The following PTPRD variants were observed in gnomAD, a reference collection of about 807,000 sequenced individuals.
PTPRD encodes protein tyrosine phosphatase receptor type D.
In PTPRD, 34 loss-of-function variants were observed where a neutral mutation model predicts 214.5. The observed-to-expected ratio is 0.16, with a 90% CI of 0.12 to 0.21. The LOEUF is 0.21. Among genes scored for constraint, PTPRD ranks in the 10% least tolerant of loss-of-function variants. The pLI, the probability that PTPRD is intolerant of heterozygous loss-of-function variation, is 1.00. For missense variants in PTPRD, 2,545 were observed against 2,398.7 expected, an observed-to-expected ratio of 1.06 and a Z score of -1.27; for synonymous variants, 1,128 against 845.7, an observed-to-expected ratio of 1.33 and a Z score of -5.79.
At chr9:8,637,191 A>G (rs2096463063) in intron 12 of PTPRD, among the ~76,000 whole-genome samples, 1 of 152,224 alleles carries the variant, frequency 6.6e-6, no homozygotes, top group Non-Finnish European at 1.5e-5. Context: ...CTCATCAATC[A>G]AAGTGGGTAA....
At chr9:8,989,693 C>G (rs547043963) in intron 11 of PTPRD, among the ~76,000 whole-genome samples, 35 of 152,008 alleles carry the variant, frequency 2.3e-4, no homozygotes, top group African/African-American at 8.2e-4. Flanking sequence ...AAAGGCATGA[C>G]CAATATTTAA....
At chr9:10,306,155 A>G (rs2096060901) in intron 3 of PTPRD, among the ~76,000 whole-genome samples, 1 of 151,998 alleles carries the variant, frequency 6.6e-6, no homozygotes, top group East Asian at 1.9e-4. Context: ...CATCATTTTC[A>G]GCAAACGAAC....
intron 7 of PTPRD, among the ~76,000 whole-genome samples, chr9:9,706,898 C>T (rs56878094): frequency 6.6e-6 from 1 of 152,054 alleles, no homozygotes; most frequent in African/African-American, 2.4e-5. Flanking sequence ...AACAAAAAGG[C>T]AAAAAGCAAT....
intron 8 of PTPRD, among the ~76,000 whole-genome samples, chr9:9,555,133 GTGTT>G (rs2081211821): frequency 6.6e-6 from 1 of 152,024 alleles, no homozygotes; most frequent in South Asian, 2.1e-4. Flanking sequence ...TTAGAAGACT[GTGTT>G]TGTAATACTG....
At chr9:9,829,896 C>T (rs1312137300) in intron 5 of PTPRD, among the ~76,000 whole-genome samples, 2 of 151,636 alleles carry the variant, frequency 1.3e-5, no homozygotes, top group East Asian at 3.9e-4. Flanking sequence ...AATTTTTGAG[C>T]CCCTACAAAT....
intron 11 of PTPRD, among the ~76,000 whole-genome samples, chr9:8,907,706 A>T (rs2098718820): frequency 6.6e-6 from 1 of 151,802 alleles, no homozygotes; most frequent in African/African-American, 2.4e-5. Flanking sequence ...AAGACGTGTA[A>T]GAAGGAAGAG....
At chr9:8,851,328 A>C (rs546966677) in intron 11 of PTPRD, among the ~76,000 whole-genome samples, 1 of 152,336 alleles carries the variant, frequency 6.6e-6, no homozygotes, top group South Asian at 2.1e-4. Flanking sequence ...TTTAGACTTT[A>C]GAGAGAAACG....
chr9:9,946,917 C>A (rs1196475240), intron 4 of PTPRD, among the ~76,000 whole-genome samples: 1 of 151,890 alleles, frequency 6.6e-6, no homozygotes, highest in East Asian at 1.9e-4. Flanking sequence ...GACACATTAT[C>A]ATTTTTACAA....
chr9:9,554,805 T>C (rs1344946881), intron 8 of PTPRD, among the ~76,000 whole-genome samples: 1 of 152,200 alleles, frequency 6.6e-6, no homozygotes, highest in African/African-American at 2.4e-5. Context: ...CCCCATAATG[T>C]ACATAATGTC....
chr9:10,299,617 A>C (rs561598721), intron 3 of PTPRD, among the ~76,000 whole-genome samples: 1 of 152,312 alleles, frequency 6.6e-6, no homozygotes, highest in East Asian at 1.9e-4. Context: ...TACATTGGCC[A>C]AGGCAGTGCT....
At chr9:9,116,930 C>T (rs567718131) in intron 10 of PTPRD, among the ~76,000 whole-genome samples, 2 of 152,080 alleles carry the variant, frequency 1.3e-5, no homozygotes, top group African/African-American at 4.8e-5. Flanking sequence ...TGTTACCATG[C>T]CTGACCCATA....
chr9:8,366,834 G>T (rs897383502), intron 39 of PTPRD, among the ~76,000 whole-genome samples: 1 of 152,182 alleles, frequency 6.6e-6, no homozygotes, highest in Non-Finnish European at 1.5e-5. Context: ...TAGCACAAAA[G>T]ACTAGCATTT....
At chr9:8,497,341 T>C in intron 25 of PTPRD, 73 bp from the exon 26 acceptor site, 1 of 1,243,816 alleles carries the variant, frequency 8.0e-7, no homozygotes, top group South Asian at 1.5e-5. Flanking sequence ...ATACAGGCAG[T>C]GTTGCCCTTG....
At chr9:10,025,596 G>A (rs1198359824) in intron 4 of PTPRD, among the ~76,000 whole-genome samples, 2 of 152,120 alleles carry the variant, frequency 1.3e-5, no homozygotes, top group Non-Finnish European at 2.9e-5. Context: ...TTTAGAATGG[G>A]TGTTTGGCTG....
chr9:10,507,547 T>G (rs1211008624), intron 2 of PTPRD, among the ~76,000 whole-genome samples: 1 of 152,086 alleles, frequency 6.6e-6, no homozygotes, highest in African/African-American at 2.4e-5. Context: ...GACTTCAAAC[T>G]ATACTACAAG....
intron 5 of PTPRD, among the ~76,000 whole-genome samples, chr9:9,922,888 C>T (rs965599812): frequency 1.3e-5 from 2 of 151,942 alleles, no homozygotes; most frequent in Non-Finnish European, 2.9e-5. Context: ...CTAGGTTGGA[C>T]TCCATGCTGG....
chr9:9,814,837 T>G (rs1221298999), intron 5 of PTPRD, among the ~76,000 whole-genome samples: 1 of 142,912 alleles, frequency 7.0e-6, no homozygotes, highest in Non-Finnish European at 1.5e-5. Context: ...TTTCACTCTG[T>G]CACATGGGCT....
intron 9 of PTPRD, among the ~76,000 whole-genome samples, chr9:9,213,675 TCAAA>T (rs1018632276): frequency 5.3e-5 from 8 of 152,188 alleles, no homozygotes; most frequent in Non-Finnish European, 1.0e-4. Context: ...ACAGTTAGCA[TCAAA>T]CAGTGTCCCT....
chr9:9,602,328 TTAATA>T (rs1373598634), intron 7 of PTPRD, among the ~76,000 whole-genome samples: 1 of 152,066 alleles, frequency 6.6e-6, no homozygotes, highest in Non-Finnish European at 1.5e-5. Flanking sequence ...TTGGAAATAT[TTAATA>T]TAATAACAAC....
Sources: gnomAD v4.1 joint callset for allele counts (sites outside exome capture counted in the v4.1 genomes callset) on GRCh38, gnomAD v4.1.1 for gene constraint, MANE v1.5 for transcripts, NCBI Gene and HGNC (gene_info 2026-07-23, HGNC 2026-07-21) for gene names.